FRK: variants seen among roughly 807,000 people sequenced by gnomAD.
FRK encodes fyn related Src family tyrosine kinase.
FRK carries 51 observed loss-of-function variants against 56.4 expected under a neutral mutation model. The ratio of observed to expected loss-of-function variants is 0.90; its 90% CI spans 0.72 to 1.14. The LOEUF is 1.14. FRK is among the 50% of genes most tolerant of loss of function. The pLI is 0.00. For synonymous variants in FRK, 245 were observed against 217.9 expected, an observed-to-expected ratio of 1.12 and a Z score of -1.10; for missense variants, 570 against 601.4, an observed-to-expected ratio of 0.95 and a Z score of 0.55.
At chr6:116,030,000 A>C (rs1486781026) in intron 1 of FRK, among the ~76,000 whole-genome samples, 2 of 152,076 alleles carry the variant, frequency 1.3e-5, no homozygotes, top group Non-Finnish European at 2.9e-5. Context: ...GTACTGTATA[A>C]ATTCTTACTC....
At position 116,060,504 on chromosome 6, in the gene FRK, G is replaced by A. The variant is rs1265014678; in HGVS notation, c.-193C>T. On this transcript the variant is annotated 5_prime_UTR_variant, in exon 1 of 8. Transcript: ENST00000606080. ...AAGTCCTACCTGGAGAGACTTACCG[G>A]CTTGCTTTCTGTGGCTGGAGGTGCT... The A allele has an allele frequency of 5.4e-6, 3 of 558,082 alleles. No homozygotes were observed. Among genetic ancestry groups the A allele is most frequent in the Non-Finnish European group, 9.5e-6 (3 of 316,256 alleles). The allele number at this position is 558,082 out of a possible 1,614,324, so 34.6% of individuals were successfully genotyped here.
intron 1 of FRK, among the ~76,000 whole-genome samples, chr6:116,036,918 A>C (rs1370457178): frequency 2.0e-5 from 3 of 152,154 alleles, no homozygotes; most frequent in Non-Finnish European, 4.4e-5. Flanking sequence ...CTCAAAAAGC[A>C]ATTTCATATT....
At chr6:116,051,966 C>T (rs938168087) in intron 1 of FRK, among the ~76,000 whole-genome samples, 1 of 152,236 alleles carries the variant, frequency 6.6e-6, no homozygotes, top group South Asian at 2.1e-4. Context: ...AATTACAAGT[C>T]TGGCCCCACA....
chr6:116,097,650 TAATG>T, the FRK span, among the ~76,000 whole-genome samples: 1 of 152,228 alleles, frequency 6.6e-6, no homozygotes, highest in Non-Finnish European at 1.5e-5. Context: ...TCAATTGTAA[TAATG>T]AAATTTAATT....
At chr6:116,078,224 G>A in the FRK span, among the ~76,000 whole-genome samples, 2 of 152,200 alleles carry the variant, frequency 1.3e-5, no homozygotes, top group African/African-American at 4.8e-5. Flanking sequence ...CTCAGGAGTA[G>A]TGTCCCAACT....
upstream of FRK, among the ~76,000 whole-genome samples, chr6:116,064,229 T>G (rs1251723175): frequency 6.6e-6 from 1 of 152,132 alleles, no homozygotes; most frequent in Non-Finnish European, 1.5e-5. Context: ...TTTTTCTAGG[T>G]TGGGTTCAGG....
chr6:116,034,464 CTT>C, intron 1 of FRK, among the ~76,000 whole-genome samples: 1 of 152,064 alleles, frequency 6.6e-6, no homozygotes, highest in East Asian at 1.9e-4. Context: ...TCCTTGGTGA[CTT>C]TTGATAAGAG....
At chr6:116,024,693 C>T (rs1776020179) in intron 1 of FRK, among the ~76,000 whole-genome samples, 1 of 152,126 alleles carries the variant, frequency 6.6e-6, no homozygotes, top group African/African-American at 2.4e-5. Context: ...GGTTCCAAGT[C>T]TTTGCTATTG....
chr6:116,066,710 C>G, the FRK span, among the ~76,000 whole-genome samples: 1 of 152,186 alleles, frequency 6.6e-6, no homozygotes, highest in Non-Finnish European at 1.5e-5. Flanking sequence ...CAGTGGCCAC[C>G]TTTCTGTTCA....
rs1258591687 is a variant in FRK, at chr6:115,932,627, T to C, written c.*9787A>G. ...TTAAAGAATCATAATGAGTCACCAA[T>C]GACACAATACCAGAAAGGCTATTTG... On this transcript the variant is annotated 3_prime_UTR_variant, in exon 8 of 8. Coordinates refer to ENST00000606080, the MANE Select transcript of FRK (RefSeq NM_002031.3). The C allele has an allele frequency of 6.6e-6, 1 of 152,170 alleles. No individual in the cohort carries two copies. Among genetic ancestry groups the C allele is most frequent in the Non-Finnish European group, 1.5e-5 (1 of 68,022 alleles). 9.4% of individuals were successfully genotyped at this position (152,170 alleles called of 1,614,324 possible).
chr6:116,007,846 A>T (rs1338612385), intron 1 of FRK, among the ~76,000 whole-genome samples: 1 of 126,952 alleles, frequency 7.9e-6, no homozygotes, highest in Non-Finnish European at 1.8e-5. Context: ...ATATATGTTC[A>T]GAAACAATAC....
At chr6:116,003,574 C>A (rs1351922490) in intron 2 of FRK, among the ~76,000 whole-genome samples, 1 of 152,028 alleles carries the variant, frequency 6.6e-6, no homozygotes, top group African/African-American at 2.4e-5. Context: ...TTTGTTTCTT[C>A]CTTATCATTT....
chr6:115,990,176 C>A (rs1774541578), intron 2 of FRK, among the ~76,000 whole-genome samples: 1 of 151,712 alleles, frequency 6.6e-6, no homozygotes, highest in African/African-American at 2.4e-5. Context: ...CTGGACATTA[C>A]TCCTTTGCTG....
At chr6:116,026,775 A>G (rs1776110304) in intron 1 of FRK, among the ~76,000 whole-genome samples, 1 of 152,106 alleles carries the variant, frequency 6.6e-6, no homozygotes, top group East Asian at 1.9e-4. Context: ...AATTCTACAA[A>G]GAATTTACCA....
intron 1 of FRK, among the ~76,000 whole-genome samples, chr6:116,012,414 G>C (rs945303302): frequency 6.6e-5 from 10 of 152,150 alleles, no homozygotes; most frequent in African/African-American, 1.9e-4. Flanking sequence ...ACTAAAACTT[G>C]ACTGCTCAGA....
chr6:116,030,462 T>C (rs1178437697), intron 1 of FRK, among the ~76,000 whole-genome samples: 1 of 152,128 alleles, frequency 6.6e-6, no homozygotes, highest in Non-Finnish European at 1.5e-5. Context: ...CTTTGGAATT[T>C]CCTGGGTGAT....
chr6:116,019,334 T>C (rs1775776148), intron 1 of FRK, among the ~76,000 whole-genome samples: 1 of 152,112 alleles, frequency 6.6e-6, no homozygotes, highest in Non-Finnish European at 1.5e-5. Flanking sequence ...AGTCTTCCAC[T>C]TGAAAGTTAA....
At chr6:115,993,145 G>A (rs527447662) in intron 2 of FRK, among the ~76,000 whole-genome samples, 3 of 151,588 alleles carry the variant, frequency 2.0e-5, no homozygotes, top group Non-Finnish European at 3.0e-5. Flanking sequence ...ACCTATACAC[G>A]GATGTATGTA....
At chr6:116,042,842 T>C (rs1019131852) in intron 1 of FRK, among the ~76,000 whole-genome samples, 2 of 152,000 alleles carry the variant, frequency 1.3e-5, no homozygotes, top group Middle Eastern at 3.4e-3. Context: ...AGGAGATCCA[T>C]CTCACGTGCA....
Sources: gnomAD v4.1 joint callset for allele counts (sites outside exome capture counted in the v4.1 genomes callset) on GRCh38, gnomAD v4.1.1 for gene constraint, MANE v1.5 for transcripts, NCBI Gene and HGNC (gene_info 2026-07-23, HGNC 2026-07-21) for gene names.